The following NLGN1 variants were observed in gnomAD, a reference collection of about 807,000 sequenced individuals.
NLGN1 encodes the protein neuroligin 1, also known as neuroligin-1.
In NLGN1, 12 loss-of-function variants were observed where a neutral mutation model predicts 65.5. That is an observed-to-expected ratio of 0.18 (90% CI 0.12 to 0.30). The LOEUF (loss-of-function observed/expected upper bound fraction) is 0.30. Among genes scored for constraint, NLGN1 ranks in the 10% least tolerant of loss-of-function variants. The pLI is 1.00. For synonymous variants in NLGN1, 350 were observed against 359.5 expected (o/e 0.97, Z 0.30); for missense variants, 750 against 1,007.1 (o/e 0.74, Z 3.46).
chr3:173,638,190 G>A (rs751114242), intron 3 of NLGN1, among the ~76,000 whole-genome samples: 3 of 150,324 alleles, frequency 2.0e-5, no homozygotes, highest in Non-Finnish European at 4.4e-5. Context: ...GCATTTGTTA[G>A]ATTTTTTTTT....
intron 4 of NLGN1, among the ~76,000 whole-genome samples, chr3:173,941,161 A>G (rs1356969522): frequency 6.6e-6 from 1 of 152,078 alleles, no homozygotes; most frequent in African/African-American, 2.4e-5. Context: ...TTGCTGCTCC[A>G]ATTATCCGAA....
chr3:174,224,826 T>C (rs1459588374), intron 4 of NLGN1, among the ~76,000 whole-genome samples: 2 of 152,172 alleles, frequency 1.3e-5, no homozygotes, highest in Admixed American at 6.5e-5. Flanking sequence ...TGAAATACTT[T>C]TCCAGAATCC....
At chr3:174,109,936 T>C (rs1714815678) in intron 4 of NLGN1, among the ~76,000 whole-genome samples, 1 of 152,060 alleles carries the variant, frequency 6.6e-6, no homozygotes, top group Non-Finnish European at 1.5e-5. Context: ...AAGGAGCCAA[T>C]GCAAACGCCC....
chr3:173,998,292 C>T (rs983006745), intron 4 of NLGN1, among the ~76,000 whole-genome samples: 1 of 152,132 alleles, frequency 6.6e-6, no homozygotes, highest in Non-Finnish European at 1.5e-5. Context: ...ATCAGAACAT[C>T]CTACTTCAAG....
At chr3:173,958,938 G>A (rs1712840275) in intron 4 of NLGN1, among the ~76,000 whole-genome samples, 1 of 152,232 alleles carries the variant, frequency 6.6e-6, no homozygotes, top group Non-Finnish European at 1.5e-5. Flanking sequence ...ACCTGGCCGG[G>A]TTGTGACAGT....
intron 3 of NLGN1, among the ~76,000 whole-genome samples, chr3:173,741,941 T>C (rs929140456): frequency 1.3e-5 from 2 of 152,132 alleles, no homozygotes; most frequent in African/African-American, 4.8e-5. Context: ...GTACGCTCCT[T>C]TGTTGGAAGC....
Position 174,279,696 on chromosome 3 carries a change from T to C in NLGN1, c.1649+46T>C, listed in dbSNP as rs767906567. On this transcript the variant is annotated intron_variant, in intron 6 of 6. Coordinates refer to ENST00000457714, the Ensembl canonical transcript of NLGN1. This position sits in a 1 kb window ranked among gnomAD's most constrained non-coding sequence, Gnocchi z 4.7. ...GTTTATTTTTAATAAAAATGTTATT[T>C]TAACCATTTTAAAATAATAGATATT... 8.6e-7 allele frequency: 1 copy of C among 1,168,468 alleles called. No homozygotes were observed. Among genetic ancestry groups the C allele is most frequent in the South Asian group, 1.5e-5 (1 of 65,030 alleles). 72.4% of individuals were successfully genotyped at this position (1,168,468 alleles called of 1,614,324 possible).
intron 3 of NLGN1, among the ~76,000 whole-genome samples, chr3:173,682,504 G>A (rs1764082065): frequency 6.9e-6 from 1 of 144,788 alleles, no homozygotes; most frequent in Middle Eastern, 3.7e-3. Flanking sequence ...CAGGAGAATC[G>A]CTTGAACCCA....
At chr3:173,837,890 A>T (rs963298360) in intron 4 of NLGN1, among the ~76,000 whole-genome samples, 3 of 152,212 alleles carry the variant, frequency 2.0e-5, no homozygotes, top group Non-Finnish European at 2.9e-5. Flanking sequence ...GACTGTATGC[A>T]GTTCTAGAGA....
chr3:173,613,269 G>T (rs958295860), intron 3 of NLGN1, among the ~76,000 whole-genome samples: 1 of 152,006 alleles, frequency 6.6e-6, no homozygotes, highest in African/African-American at 2.4e-5. Flanking sequence ...GCTTATTGGG[G>T]TTAAATAAGT....
chr3:173,682,890 A>T, intron 3 of NLGN1, among the ~76,000 whole-genome samples: 1 of 152,226 alleles, frequency 6.6e-6, no homozygotes, highest in South Asian at 2.1e-4. Context: ...TCAAATTTAG[A>T]TATCTCTTTA....
chr3:173,827,958 A>G (rs1273041531), intron 4 of NLGN1, among the ~76,000 whole-genome samples: 1 of 152,024 alleles, frequency 6.6e-6, no homozygotes, highest in Non-Finnish European at 1.5e-5. Context: ...TACTGATTTC[A>G]ATGCTCATCT....
At chr3:174,160,903 G>C (rs920755081) in intron 4 of NLGN1, among the ~76,000 whole-genome samples, 1 of 151,000 alleles carries the variant, frequency 6.6e-6, no homozygotes, top group African/African-American at 2.4e-5. Context: ...TTGTACCCAT[G>C]AACCATACCC....
At chr3:173,620,472 G>GT (rs1753816229) in intron 3 of NLGN1, among the ~76,000 whole-genome samples, 2 of 151,918 alleles carry the variant, frequency 1.3e-5, no homozygotes, top group African/African-American at 4.8e-5. Context: ...AACTCAAGAA[G>GT]GCAGGATAGG....
intron 4 of NLGN1, among the ~76,000 whole-genome samples, chr3:174,213,954 C>T (rs1737146131): frequency 6.6e-6 from 1 of 152,054 alleles, no homozygotes; most frequent in East Asian, 1.9e-4. Context: ...CCTTAAAGGG[C>T]TTTTATCTCC....
At chr3:173,583,572 A>G (rs1746740145) in intron 2 of NLGN1, among the ~76,000 whole-genome samples, 1 of 152,220 alleles carries the variant, frequency 6.6e-6, no homozygotes, top group South Asian at 2.1e-4. Flanking sequence ...CCTCACAATG[A>G]AAGAGAATTC....
intron 3 of NLGN1, among the ~76,000 whole-genome samples, chr3:173,606,039 A>G (rs957975799): frequency 1.4e-4 from 22 of 151,894 alleles, no homozygotes; most frequent in African/African-American, 5.1e-4. Flanking sequence ...CCATCTGAAC[A>G]CTCTATGGAC....
intron 1 of NLGN1, among the ~76,000 whole-genome samples, chr3:173,411,539 G>C (rs897237752): frequency 1.3e-5 from 2 of 152,170 alleles, no homozygotes; most frequent in African/African-American, 4.8e-5. Flanking sequence ...TAGTACTTAA[G>C]TACTTTCTTA....
chr3:173,715,117 T>G (rs2149969312), intron 3 of NLGN1, among the ~76,000 whole-genome samples: 1 of 152,232 alleles, frequency 6.6e-6, no homozygotes, highest in African/African-American at 2.4e-5. Flanking sequence ...GTGGATGGAC[T>G]CTATTGTATT....
Sources: gnomAD v4.1 joint callset for allele counts (sites outside exome capture counted in the v4.1 genomes callset) on GRCh38, gnomAD v4.1.1 for gene constraint, Gnocchi (gnomAD v3.1) non-coding constraint, MANE v1.5 for transcripts, NCBI Gene and HGNC (gene_info 2026-07-23, HGNC 2026-07-21) for gene names.